The following ADAM28 variants were observed in gnomAD, a reference collection of about 807,000 sequenced individuals.
The protein encoded by ADAM28 is disintegrin and metalloproteinase domain-containing protein 28.
A neutral mutation model predicts 101.2 loss-of-function variants in ADAM28; 105 were observed. That is an observed-to-expected ratio of 1.04 (90% CI 0.89 to 1.22). The LOEUF (loss-of-function observed/expected upper bound fraction) is 1.22. ADAM28 is among the 50% of genes most tolerant of loss of function. The pLI is 0.00. For missense variants in ADAM28, 1,028 were observed against 945.4 expected (o/e 1.09, Z -1.15); for synonymous variants, 322 against 310.6 (o/e 1.04, Z -0.39).
intron 9 of ADAM28, among the ~76,000 whole-genome samples, chr8:24,325,282 A>T (rs1346837873): frequency 6.6e-6 from 1 of 152,048 alleles, no homozygotes; most frequent in African/African-American, 2.4e-5. Flanking sequence ...ATACAATGTC[A>T]AGAATAGATT....
rs147077338 is a variant in ADAM28, at chr8:24,308,536, A to G, written c.151-1358A>G. The stretch of plus-strand genomic sequence containing the variant: ...TTTCTGGTAGAAGACCATATTTGGT[A>G]TCATTCTCATGGCTTCATTCTAGCT... On this transcript the variant is annotated intron_variant, in intron 2 of 22. Coordinates refer to ENST00000265769, the MANE Select transcript of ADAM28 (RefSeq NM_014265.6). 3.4e-3 allele frequency: 1,520 copies of G among 441,134 alleles called. 8 individuals carry two copies. Among genetic ancestry groups the G allele is most frequent in the Non-Finnish European group, 5.8e-3 (1,284 of 219,802 alleles). The allele number at this position is 441,134 out of a possible 1,614,324, so 27.3% of individuals were successfully genotyped here. A position where few individuals can be genotyped will look rare whatever the true frequency, so the allele number is the denominator to read the frequency against.
chr8:24,312,944 A>G (rs1337598493), intron 5 of ADAM28, among the ~76,000 whole-genome samples: 1 of 152,208 alleles, frequency 6.6e-6, no homozygotes, highest in African/African-American at 2.4e-5. Flanking sequence ...AATGTGGAGA[A>G]CCTGAGGCTT....
In ADAM28 at chr8:24,309,977, A is replaced by G. The variant is rs1810229709; in HGVS notation, c.227+7A>G. The G allele has an allele frequency of 3.2e-6, 5 of 1,551,994 alleles. No homozygotes were observed. Among genetic ancestry groups the G allele is most frequent in the Non-Finnish European group, 4.4e-6 (5 of 1,125,134 alleles). ...TTTATTTGAAAAAAAACAAGTAAGT[A>G]TCTTTACCTGTGATATTATCCTCAG... is the stretch of plus-strand genomic sequence containing the variant. On this transcript the variant is annotated splice_region_variant and intron_variant, in intron 3 of 22. Transcript: ENST00000265769.
At chr8:24,315,398 A>C (rs1023321589) in intron 6 of ADAM28, among the ~76,000 whole-genome samples, 1 of 152,032 alleles carries the variant, frequency 6.6e-6, no homozygotes, top group Non-Finnish European at 1.5e-5. Context: ...ATTTGTCAAT[A>C]AATTTGATAG....
chr8:24,351,927 C>T, intron 20 of ADAM28, 60 bp from the exon 21 acceptor site: 1 of 1,578,042 alleles, frequency 6.3e-7, no homozygotes, highest in Non-Finnish European at 8.7e-7. Flanking sequence ...TTAAAAATTA[C>T]TTAAAAACTG....
rs1816560461 is a variant in ADAM28 at position 24,354,729 on chromosome 8, C to A, written c.*325C>A. The A allele has an allele frequency of 9.9e-6, 2 of 201,266 alleles. No homozygotes were observed. The highest frequency in any genetic ancestry group is 2.0e-5 in the Non-Finnish European group (2 of 100,704). The allele number at this position is 201,266 out of a possible 1,614,324, so 12.5% of individuals were successfully genotyped here. Reference sequence around the variant, plus strand: ...GAAAACAAAACATAAAAACATCACACTAATCTTGGAGGAATAAGAAAAATT... The same window carrying A: ...GAAAACAAAACATAAAAACATCACAATAATCTTGGAGGAATAAGAAAAATT... On this transcript the variant is annotated 3_prime_UTR_variant, in exon 23 of 23. Coordinates refer to ENST00000265769, the MANE Select transcript of ADAM28 (RefSeq NM_014265.6).
At chr8:24,341,872 A>G (rs750600059) in intron 16 of ADAM28, 115 bp downstream of exon 16, 5 of 1,264,262 alleles carry the variant, frequency 4.0e-6, no homozygotes, top group South Asian at 1.3e-5. Context: ...GGGGTTCGCC[A>G]TGCCTTAATA....
intron 6 of ADAM28, among the ~76,000 whole-genome samples, chr8:24,318,489 C>T (rs779882246): frequency 2.0e-5 from 3 of 151,876 alleles, no homozygotes; most frequent in South Asian, 2.1e-4. Context: ...GGCCATCAGA[C>T]GTTTATCTCT....
intron 6 of ADAM28, 33 bp from the exon 7 acceptor site, chr8:24,320,203 A>G: frequency 1.4e-6 from 2 of 1,451,056 alleles, no homozygotes; most frequent in Non-Finnish European, 1.9e-6. Context: ...AGAAAACAAT[A>G]TTGTATCAGT....
chr8:24,348,292 G>A (rs1039948929), intron 18 of ADAM28, among the ~76,000 whole-genome samples: 10 of 152,120 alleles, frequency 6.6e-5, no homozygotes, highest in Non-Finnish European at 1.0e-4. Context: ...AGAAAGAACA[G>A]ACAGTTGACA....
chr8:24,354,895 A>C lies in ADAM28; in HGVS notation c.*491A>C, dbSNP rs941794937. 2.0e-5 allele frequency: 3 copies of C among 152,802 alleles called. No individual in the cohort carries two copies. Among genetic ancestry groups the C allele is most frequent in the African/African-American group, 7.2e-5 (3 of 41,452 alleles). 9.5% of individuals were successfully genotyped at this position (152,802 alleles called of 1,614,324 possible). A position where few individuals can be genotyped will look rare whatever the true frequency, so the allele number is the denominator to read the frequency against. On this transcript the variant is annotated 3_prime_UTR_variant, in exon 23 of 23. Transcript: ENST00000265769. ...TCCTAGATTAGCTTCTGAAATCATT[A>C]TTAGCTATATCATTTGAGGTTTTCT...
intron 8 of ADAM28, 141 bp from the exon 9 acceptor site, chr8:24,323,693 C>T (rs1233942450): frequency 9.8e-6 from 8 of 819,318 alleles, no homozygotes; most frequent in African/African-American, 1.7e-5. Flanking sequence ...ATAGTCAATA[C>T]ATTCTGTTTC....
chr8:24,349,865 C>A lies in ADAM28; in HGVS notation c.1992C>A (p.His664Gln). The change falls in exon 19 of 23, where the codon CAC becomes CAA. Residue 664 changes from histidine to glutamine, a missense_variant and splice_region_variant. Physicochemically the swap from His to Gln is conservative, Grantham distance 24. Coordinates refer to ENST00000265769, the MANE Select transcript of ADAM28 (RefSeq NM_014265.6). ...GCGGGCCCCTGTTCTCTGCTGCAGA[C>A]TTCTCCATTGTGGTTGGGGTGCTGT... is the stretch of plus-strand genomic sequence containing the variant. ...PDCDDSSVVF[H>Q]FSIVVGVLFP... 1.2e-6 allele frequency: 2 copies of A among 1,613,496 alleles called. No individual in the cohort carries two copies. The highest frequency in any genetic ancestry group is 1.7e-6 in the Non-Finnish European group (2 of 1,179,622).
chr8:24,315,375 A>G (rs1440863140), intron 6 of ADAM28, among the ~76,000 whole-genome samples: 1 of 151,996 alleles, frequency 6.6e-6, no homozygotes, highest in Admixed American at 6.6e-5. Context: ...TTAAAGGACT[A>G]ATATGAAAAA....
chr8:24,330,258 T>C (rs957394337), intron 11 of ADAM28, 143 bp downstream of exon 11: 3 of 948,484 alleles, frequency 3.2e-6, no homozygotes, highest in East Asian at 2.6e-5. Context: ...ACCTCATCTA[T>C]GGGTAATATT....
At chr8:24,353,337 T>C (rs1359826828) in intron 21 of ADAM28, among the ~76,000 whole-genome samples, 1 of 152,124 alleles carries the variant, frequency 6.6e-6, no homozygotes, top group Non-Finnish European at 1.5e-5. Flanking sequence ...GAAGTAAGAA[T>C]TACAGTACAT....
rs201577045 is a variant in ADAM28, at chr8:24,304,916, C to CAA, written c.150+4853_150+4854dup. Among the ~76,000 whole-genome samples, 1,151 of 128,352 alleles carry CAA rather than the reference C, an allele frequency of 9.0e-3. 15 individuals are homozygous for CAA. Among genetic ancestry groups the CAA allele is most frequent in the African/African-American group, 0.026 (944 of 35,978 alleles). 84.2% of individuals were successfully genotyped at this position (128,352 alleles called of 152,430 possible). ...GGGCAACAAGAGTGAAACTCCTTCT[C>CAA]AAAAAAAAAAAAAAATAGATTATGC... On this transcript the variant is annotated intron_variant, in intron 2 of 22. Transcript: ENST00000265769.
At chr8:24,334,226 A>G (rs1813721312) in intron 13 of ADAM28, among the ~76,000 whole-genome samples, 1 of 152,196 alleles carries the variant, frequency 6.6e-6, no homozygotes, top group African/African-American at 2.4e-5. Context: ...AGATAGCATA[A>G]TGATATATTA....
At chr8:24,342,300 C>G (rs985883103) in intron 16 of ADAM28, among the ~76,000 whole-genome samples, 2 of 152,108 alleles carry the variant, frequency 1.3e-5, no homozygotes, top group Non-Finnish European at 2.9e-5. Flanking sequence ...CCAAAGAGTT[C>G]CCCTGATTTT....
Sources: allele counts gnomAD v4.1 joint callset (sites outside exome capture counted in the v4.1 genomes callset), GRCh38; gene constraint gnomAD v4.1.1; transcripts MANE v1.5; gene names NCBI Gene and HGNC (gene_info 2026-07-23, HGNC 2026-07-21).